SGCG: variants seen among roughly 807,000 people sequenced by gnomAD.
The protein encoded by SGCG is gamma-sarcoglycan.
Under a neutral mutation model 29.3 loss-of-function variants are expected in SGCG, and 26 were observed. The observed-to-expected ratio is 0.89, with a 90% CI of 0.65 to 1.23. The LOEUF (loss-of-function observed/expected upper bound fraction) is 1.23, where lower values mean the gene tolerates loss of function less well. SGCG is among the 50% of genes most tolerant of loss of function. SGCG has a pLI of 0.00. For missense variants in SGCG, 353 were observed against 356.0 expected (o/e 0.99, Z 0.07); for synonymous variants, 145 against 129.7 (o/e 1.12, Z -0.80).
chr13:23,177,374 C>A (rs73168618), upstream of SGCG, among the ~76,000 whole-genome samples: 3,142 of 152,092 alleles, frequency 0.021, 49 homozygotes, highest in Non-Finnish European at 0.036. Context: ...GTGTTCCCAC[C>A]TTAAAGAAAT....
At chr13:23,307,009 T>TA (rs1438307795) in intron 6 of SGCG, among the ~76,000 whole-genome samples, 5 of 152,362 alleles carry the variant, frequency 3.3e-5, no homozygotes, top group African/African-American at 1.2e-4. Flanking sequence ...AAGAAGGACT[T>TA]ACAAATATAT....
At chr13:23,324,264 C>T in intron 7 of SGCG, 104 bp from the exon 8 acceptor site, 1 of 1,091,710 alleles carries the variant, frequency 9.2e-7, no homozygotes, top group Non-Finnish European at 1.4e-6. Flanking sequence ...ATTTTGTTTT[C>T]TATGAGGAGA....
intron 6 of SGCG, among the ~76,000 whole-genome samples, chr13:23,299,112 A>G (rs2137650994): frequency 6.6e-6 from 1 of 152,186 alleles, no homozygotes; most frequent in Admixed American, 6.5e-5. Flanking sequence ...ACTCAGATCT[A>G]GATAGTTCCA....
the SGCG span, among the ~76,000 whole-genome samples, chr13:23,162,366 G>A: frequency 6.6e-6 from 1 of 152,234 alleles, no homozygotes; most frequent in African/African-American, 2.4e-5. Context: ...TGTAATCCCA[G>A]ACCTTTGGGA....
At chr13:23,302,299 T>C (rs1882191541) in intron 6 of SGCG, among the ~76,000 whole-genome samples, 3 of 151,594 alleles carry the variant, frequency 2.0e-5, no homozygotes, top group Admixed American at 1.3e-4. Context: ...CTAGTGACTA[T>C]AGAATTTTTA....
chr13:23,226,741 AG>A (rs1878913178), intron 2 of SGCG, among the ~76,000 whole-genome samples: 1 of 152,170 alleles, frequency 6.6e-6, no homozygotes, highest in Non-Finnish European at 1.5e-5. Flanking sequence ...GTTGGTTACC[AG>A]GGGCTGGGGG....
chr13:23,216,572 A>G (rs1878437680), intron 2 of SGCG, among the ~76,000 whole-genome samples: 1 of 152,144 alleles, frequency 6.6e-6, no homozygotes. Flanking sequence ...ATGGACCATG[A>G]TATTCCCTCA....
chr13:23,295,119 T>A (rs907266122), intron 5 of SGCG, among the ~76,000 whole-genome samples: 9 of 152,212 alleles, frequency 5.9e-5, no homozygotes, highest in Non-Finnish European at 1.2e-4. Flanking sequence ...CAGAAGGACT[T>A]TTTTTCTTTT....
intron 3 of SGCG, among the ~76,000 whole-genome samples, chr13:23,241,433 T>C (rs2137554291): frequency 6.6e-6 from 1 of 152,042 alleles, no homozygotes; most frequent in Non-Finnish European, 1.5e-5. Flanking sequence ...AAACAGGAAA[T>C]CTAAACAGAC....
intron 4 of SGCG, among the ~76,000 whole-genome samples, chr13:23,262,420 T>C (rs1566021721): frequency 6.6e-6 from 1 of 151,990 alleles, no homozygotes; most frequent in Admixed American, 6.6e-5. Flanking sequence ...AATGTAGTTA[T>C]ATAATGATGA....
chr13:23,232,675 G>A (rs1201892466), intron 2 of SGCG, among the ~76,000 whole-genome samples: 1 of 151,962 alleles, frequency 6.6e-6, no homozygotes, highest in African/African-American at 2.4e-5. Flanking sequence ...CCAGCTACTC[G>A]GGAGGCTGAG....
At position 23,324,638 on chromosome 13, in the gene SGCG, TG is replaced by T. The variant is rs1485087161; in HGVS notation, c.*100del. On this transcript the variant is annotated 3_prime_UTR_variant, in exon 8 of 8. Coordinates refer to ENST00000218867, the MANE Select transcript of SGCG (RefSeq NM_000231.3). ...TCGTGAAAGACTGAGGCAGCGTGGA[TG>T]GGAAGTAAACGCTTCCAGAGGAACT... The T allele has an allele frequency of 8.8e-7, 1 of 1,131,326 alleles. No homozygotes were observed. The highest frequency in any genetic ancestry group is 1.3e-6 in the Non-Finnish European group (1 of 767,122). 70.1% of individuals were successfully genotyped at this position (1,131,326 alleles called of 1,614,324 possible).
At chr13:23,221,699 C>T (rs1878662924) in intron 2 of SGCG, among the ~76,000 whole-genome samples, 1 of 149,440 alleles carries the variant, frequency 6.7e-6, no homozygotes, top group Admixed American at 6.7e-5. Flanking sequence ...ATGAGGGACT[C>T]AAAATGGTTT....
At chr13:23,197,456 A>G (rs983141957) in intron 1 of SGCG, among the ~76,000 whole-genome samples, 26 of 152,320 alleles carry the variant, frequency 1.7e-4, no homozygotes, top group African/African-American at 6.0e-4. Flanking sequence ...GATTGACATC[A>G]TAAGTGCTAT....
rs576851394 is a variant in SGCG at position 23,202,418 on chromosome 13, A to G, written c.1-1277A>G. Reference sequence around the variant, plus strand: ...GCAATGGAAATGTAGAGATGTAGACAGATTTCAGATATATATGGAAGGTAG... The same window carrying G: ...GCAATGGAAATGTAGAGATGTAGACGGATTTCAGATATATATGGAAGGTAG... On this transcript the variant is annotated intron_variant, in intron 1 of 7. Transcript: ENST00000218867. Among the ~76,000 whole-genome samples the G allele has an allele frequency of 7.9e-5, 12 of 152,340 alleles. No individual in the cohort carries two copies. The East Asian group carries it at 2.3e-3, about 29-fold the overall frequency.
At chr13:23,300,939 C>G (rs1319302933) in intron 6 of SGCG, among the ~76,000 whole-genome samples, 1 of 151,834 alleles carries the variant, frequency 6.6e-6, no homozygotes, top group Non-Finnish European at 1.5e-5. Context: ...CACGGTGAAA[C>G]CCCATCTCTA....
At chr13:23,281,845 G>A (rs1178923680) in intron 5 of SGCG, among the ~76,000 whole-genome samples, 2 of 152,226 alleles carry the variant, frequency 1.3e-5, no homozygotes, top group African/African-American at 4.8e-5. Flanking sequence ...ACCTCCTGCT[G>A]TGAGGCCCAG....
chr13:23,289,666 G>T (rs1335847557), intron 5 of SGCG, among the ~76,000 whole-genome samples: 1 of 151,970 alleles, frequency 6.6e-6, no homozygotes, highest in Non-Finnish European at 1.5e-5. Flanking sequence ...TTCTCTATTT[G>T]TCTTATCTGT....
rs60329567 is a variant in SGCG at position 23,287,740 on chromosome 13, T to TTTTGTTTGTTTG, written c.506-7663_506-7652dup. ...TTTTGTTACCATTATGACCAGGGTT[T>TTTTGTTTGTTTG]TTTGTTTGTTTGTTTGTTTGTTTTG... On this transcript the variant is annotated intron_variant, in intron 5 of 7. Coordinates refer to ENST00000218867, the MANE Select transcript of SGCG (RefSeq NM_000231.3). 1.1e-3 allele frequency among the ~76,000 whole-genome samples: 162 copies of TTTTGTTTGTTTG among 151,082 alleles called. 1 individual carries two copies. The highest frequency in any genetic ancestry group is 3.4e-3 in the Middle Eastern group (1 of 294).
Sources: allele counts gnomAD v4.1 joint callset (sites outside exome capture counted in the v4.1 genomes callset), GRCh38; gene constraint gnomAD v4.1.1; transcripts MANE v1.5; gene names NCBI Gene and HGNC (gene_info 2026-07-23, HGNC 2026-07-21).